SLC25A20: variants seen among roughly 807,000 people sequenced by gnomAD.
SLC25A20 encodes solute carrier family 25 member 20, also known as mitochondrial carnitine/acylcarnitine carrier protein.
Under a neutral mutation model 39.7 loss-of-function variants are expected in SLC25A20, and 29 were observed. The observed-to-expected ratio is 0.73, with a 90% CI of 0.54 to 1.00. The LOEUF is 1.00. SLC25A20 is among the 50% of genes least tolerant of loss of function. SLC25A20 has a pLI of 0.00. For missense variants in SLC25A20, 333 were observed against 379.9 expected (o/e 0.88, Z 1.03); for synonymous variants, 103 against 142.2 (o/e 0.72, Z 1.96).
intron 4 of SLC25A20, among the ~76,000 whole-genome samples, chr3:48,863,601 A>G (rs2083642963): frequency 6.6e-6 from 1 of 152,252 alleles, no homozygotes; most frequent in African/African-American, 2.4e-5. Flanking sequence ...AACACACAAG[A>G]GCATCAACCA....
chr3:48,882,694 C>T (rs7649458), intron 3 of SLC25A20, among the ~76,000 whole-genome samples: 99,398 of 151,814 alleles, frequency 0.65, 33,281 homozygotes, highest in East Asian at 0.96. Flanking sequence ...CACCCCCCGC[C>T]GCCCCGACAC....
chr3:48,872,556 T>C (rs1165242470), intron 4 of SLC25A20, among the ~76,000 whole-genome samples: 2 of 151,816 alleles, frequency 1.3e-5, no homozygotes, highest in African/African-American at 4.8e-5. Flanking sequence ...TACTCATATA[T>C]TATACAAAAA....
chr3:48,894,277 T>G (rs895820571), intron 1 of SLC25A20, among the ~76,000 whole-genome samples: 1 of 150,346 alleles, frequency 6.7e-6, no homozygotes, highest in Non-Finnish European at 1.5e-5. Context: ...TCTTTTTTTT[T>G]TTTTTTGAGG....
chr3:48,883,005 G>A (rs2083805079), intron 3 of SLC25A20, among the ~76,000 whole-genome samples: 1 of 147,166 alleles, frequency 6.8e-6, no homozygotes, highest in East Asian at 2.1e-4. Flanking sequence ...GGCTAACACG[G>A]CGAAACCCCG....
At chr3:48,858,680 A>C (rs1347984123) in intron 7 of SLC25A20, 49 bp from the exon 8 acceptor site, 1 of 1,613,554 alleles carries the variant, frequency 6.2e-7, no homozygotes, top group East Asian at 2.2e-5. Context: ...AGAAACTAGC[A>C]GTTAAGTCTT....
At chr3:48,887,224 C>T (rs1271935124) in intron 2 of SLC25A20, among the ~76,000 whole-genome samples, 1 of 152,206 alleles carries the variant, frequency 6.6e-6, no homozygotes, top group African/African-American at 2.4e-5. Context: ...TCCTGAACAA[C>T]TTGTCTAGTC....
At chr3:48,878,956 T>C (rs2083781115) in intron 4 of SLC25A20, among the ~76,000 whole-genome samples, 1 of 151,626 alleles carries the variant, frequency 6.6e-6, no homozygotes, top group Non-Finnish European at 1.5e-5. Context: ...CACTGCAACC[T>C]GTCTCCCGGG....
chr3:48,897,502 G>C (rs1167047121), intron 1 of SLC25A20, among the ~76,000 whole-genome samples: 1 of 151,492 alleles, frequency 6.6e-6, no homozygotes, highest in African/African-American at 2.4e-5. Context: ...AATGACCACA[G>C]TCTGGGAAGC....
Position 48,898,736 on chromosome 3 carries a change from C to T in SLC25A20, c.59G>A (p.Gly20Asp), listed in dbSNP as rs748569316. 3.7e-6 allele frequency: 6 copies of T among 1,609,068 alleles called. No individual in the cohort carries two copies. The highest frequency in any genetic ancestry group is 1.3e-5 in the African/African-American group (1 of 74,990). Residue 20 changes from glycine to aspartate, a missense_variant, in exon 1 of 9, where the codon GGC becomes GAC. By Grantham distance (94) the Gly-to-Asp change is moderately conservative (BLOSUM62 -1). Coordinates refer to ENST00000319017, the MANE Select transcript of SLC25A20 (RefSeq NM_000387.6). ...ACCGACGAACACCAGGCACACGCCG[C>T]CAAAGCCGCCGGCCAGCAGGTTCTT... ...PLKNLLAGGF[G>D]GVCLVFVGHP...
chr3:48,892,718 G>T (rs918053188), intron 1 of SLC25A20, among the ~76,000 whole-genome samples: 1 of 152,072 alleles, frequency 6.6e-6, no homozygotes, highest in African/African-American at 2.4e-5. Context: ...ACATTAGGGA[G>T]GACAATTAGC....
intron 4 of SLC25A20, among the ~76,000 whole-genome samples, chr3:48,873,369 G>A (rs1286496494): frequency 6.6e-6 from 1 of 152,092 alleles, no homozygotes; most frequent in Non-Finnish European, 1.5e-5. Flanking sequence ...CCAGCACTTT[G>A]GGAGGCCAAG....
At chr3:48,865,098 G>T (rs1400476202) in intron 4 of SLC25A20, among the ~76,000 whole-genome samples, 1 of 151,514 alleles carries the variant, frequency 6.6e-6, no homozygotes, top group Non-Finnish European at 1.5e-5. Context: ...GGATAAACTA[G>T]TCTGGAGTTC....
In SLC25A20 at chr3:48,862,625, C is replaced by T. The variant is rs2083636357; in HGVS notation, c.452G>A (p.Gly151Asp). 4 of 1,613,788 alleles carry T rather than the reference C, an allele frequency of 2.5e-6. No individual in the cohort carries two copies. The highest frequency in any genetic ancestry group is 1.3e-5 in the African/African-American group (1 of 74,910). ...CAGCTTCTTTGCACAGTCCAAGGTACCAGTGTACTTGCTTTCTCCTGAAGA... is the reference window on the plus strand; with the variant it reads ...CAGCTTCTTTGCACAGTCCAAGGTATCAGTGTACTTGCTTTCTCCTGAAGA... ...QASSGESKYT[G>D]TLDCAKKLYQ... The change falls in exon 5 of 9, where the codon GGT becomes GAT. Residue 151 changes from glycine to aspartate, a missense_variant. Gly to Asp is a moderately conservative substitution (Grantham distance 94, BLOSUM62 -1). Transcript: ENST00000319017.
chr3:48,883,618 CTT>C (rs761695690), intron 3 of SLC25A20, among the ~76,000 whole-genome samples: 5 of 97,350 alleles, frequency 5.1e-5, no homozygotes, highest in Admixed American at 4.1e-4. Flanking sequence ...CACCAAGGTC[CTT>C]TTTTTTTTTT....
At chr3:48,876,957 G>C (rs965149236) in intron 4 of SLC25A20, among the ~76,000 whole-genome samples, 1 of 151,854 alleles carries the variant, frequency 6.6e-6, no homozygotes, top group Middle Eastern at 3.4e-3. Flanking sequence ...TTAGCCAGGC[G>C]TGGTGGTGGG....
At chr3:48,860,834 CTTT>C (rs780743103) in intron 5 of SLC25A20, among the ~76,000 whole-genome samples, 3 of 134,304 alleles carry the variant, frequency 2.2e-5, no homozygotes, top group Admixed American at 7.6e-5. Context: ...TATTACTTTA[CTTT>C]TTTTTTTTTT....
In SLC25A20 at chr3:48,859,595, A is replaced by G. The variant is rs1345063532; in HGVS notation, c.568T>C (p.Tyr190His). ...GTGAAGATATTTTTCAGCCATTCAT[A>G]TGTCATGAAATACATTCCACTAGCT... ...VPASGMYFMT[Y>H]EWLKNIFTPE... Residue 190 changes from tyrosine (Y) to histidine (H), a missense_variant, in exon 6 of 9, where the codon TAT becomes CAT. Physicochemically the swap from Tyr to His is moderately conservative, Grantham distance 83 (BLOSUM62 2). Coordinates refer to ENST00000319017, the MANE Select transcript of SLC25A20 (RefSeq NM_000387.6). The G allele has an allele frequency of 6.2e-7, 1 of 1,613,972 alleles. No homozygotes were observed. Among genetic ancestry groups the G allele is most frequent in the East Asian group, 2.2e-5 (1 of 44,888 alleles).
chr3:48,865,808 A>G (rs2083663721), intron 4 of SLC25A20, among the ~76,000 whole-genome samples: 1 of 150,962 alleles, frequency 6.6e-6, no homozygotes. Context: ...AAAGATAAGT[A>G]CTGAGAACTA....
Position 48,859,181 on chromosome 3 carries a change from G to C in SLC25A20, c.629C>G (p.Pro210Arg). The C allele has an allele frequency of 6.2e-7, 1 of 1,613,992 alleles. No homozygotes were observed. Among genetic ancestry groups the C allele is most frequent in the Non-Finnish European group, 8.5e-7 (1 of 1,179,976 alleles). The change falls in exon 7 of 9, where the codon CCT becomes CGT. Residue 210 changes from proline (P) to arginine (R), a missense_variant. Transcript: ENST00000319017. The stretch of plus-strand genomic sequence containing the variant: ...AATGCCCCCAGCCACCAAGATCCGA[G>C]GGGCACTGAGCTCACTGACCCTGTA... ...EGKRVSELSA[P>R]RILVAGGIAG...
Sources: gnomAD v4.1 joint callset for allele counts (sites outside exome capture counted in the v4.1 genomes callset) on GRCh38, gnomAD v4.1.1 for gene constraint, MANE v1.5 for transcripts, NCBI Gene and HGNC (gene_info 2026-07-23, HGNC 2026-07-21) for gene names.